Variants in IL18 observed in about 807,000 individuals in gnomAD.
The protein encoded by IL18 is interleukin 18.
Under a neutral mutation model 14.2 loss-of-function variants are expected in IL18, and 8 were observed. The ratio of observed to expected loss-of-function variants is 0.56; its 90% CI spans 0.33 to 1.01. The LOEUF (loss-of-function observed/expected upper bound fraction) is 1.01, where lower values mean the gene tolerates loss of function less well. Ranked by LOEUF, IL18 falls within the 50% of genes least tolerant of loss-of-function variation. The pLI is 0.03. For synonymous variants in IL18, 67 were observed against 71.0 expected (o/e 0.94, Z 0.28); for missense variants, 166 against 231.1 (o/e 0.72, Z 1.83).
intron 1 of IL18, among the ~76,000 whole-genome samples, chr11:112,156,349 A>T (rs1478720073): frequency 2.0e-5 from 3 of 152,196 alleles, no homozygotes; most frequent in Non-Finnish European, 4.4e-5. Flanking sequence ...CACTGTACCC[A>T]GGCCTTATTT....
At chr11:112,156,739 C>T (rs1866539515) in intron 1 of IL18, among the ~76,000 whole-genome samples, 1 of 151,804 alleles carries the variant, frequency 6.6e-6, no homozygotes, top group Non-Finnish European at 1.5e-5. Flanking sequence ...GCCACCATGC[C>T]TGGCCAACAC....
intron 1 of IL18, among the ~76,000 whole-genome samples, chr11:112,161,262 G>A (rs192865334): frequency 6.6e-6 from 1 of 152,154 alleles, no homozygotes; most frequent in Non-Finnish European, 1.5e-5. Context: ...TTTGTCTGGG[G>A]CAAGTCACTT....
intron 5 of IL18, among the ~76,000 whole-genome samples, chr11:112,145,407 G>A (rs1280803608): frequency 6.6e-6 from 1 of 152,172 alleles, no homozygotes; most frequent in Non-Finnish European, 1.5e-5. Flanking sequence ...AACTTCAAAA[G>A]CTCTAGTAAC....
intron 3 of IL18, among the ~76,000 whole-genome samples, chr11:112,152,174 T>A (rs1592812067): frequency 1.3e-5 from 2 of 152,332 alleles, no homozygotes; most frequent in Non-Finnish European, 2.9e-5. Flanking sequence ...CAAAACCTGC[T>A]CTTCCTCCTG....
rs1425048941 is a variant in IL18, at chr11:112,149,672, C to T, written c.226+400G>A. Among the ~76,000 whole-genome samples, 4 of 149,678 alleles carry T rather than the reference C, an allele frequency of 2.7e-5. No homozygotes were observed. The Admixed American group carries it at 2.7e-4, about 10-fold the overall frequency. On this transcript the variant is annotated intron_variant, in intron 4 of 5. Transcript: ENST00000280357. ...TCACAGTGTACTACAGCCTCAAAGT[C>T]CTGGCCTCAAGCAATCCTCCTGCTT... is the stretch of plus-strand genomic sequence containing the variant.
At position 112,153,608 on chromosome 11, in the gene IL18, G is replaced by T. The variant is rs5744251; in HGVS notation, c.80-5C>A. The T allele has an allele frequency of 4.0e-4, 615 of 1,551,314 alleles. 2 individuals are homozygous for T. In the African/African-American group the frequency reaches 7.5e-3, roughly 19 times the overall value. On this transcript the variant is annotated splice_polypyrimidine_tract_variant and splice_region_variant and intron_variant, in intron 2 of 5. Coordinates refer to ENST00000280357, the MANE Select transcript of IL18 (RefSeq NM_001562.4). ...CTACTTTACCATCATCTTCAGCTAA[G>T]AGGGGGAAAAAGAGAGAAACAGAAT...
rs540994054 is a variant in IL18 at position 112,159,749 on chromosome 11, T to C, written c.-9+4157A>G. ...AATTTACATATAAGCTTAAACTTGT[T>C]CATTGAATTTGGCAATTAGGAAGTT... On this transcript the variant is annotated intron_variant, in intron 1 of 5. Transcript: ENST00000280357. Among the ~76,000 whole-genome samples, 5 of 152,324 alleles carry C rather than the reference T, an allele frequency of 3.3e-5. No individual in the cohort carries two copies. In the East Asian group the frequency reaches 7.7e-4, roughly 23 times the overall value.
intron 3 of IL18, among the ~76,000 whole-genome samples, chr11:112,151,899 C>T (rs1866445233): frequency 6.6e-6 from 1 of 152,158 alleles, no homozygotes; most frequent in South Asian, 2.1e-4. Context: ...TCTACTGCAT[C>T]CTTTAAATGT....
intron 3 of IL18, among the ~76,000 whole-genome samples, chr11:112,151,415 G>T (rs889181289): frequency 1.1e-4 from 17 of 151,918 alleles, no homozygotes; most frequent in East Asian, 3.9e-4. Flanking sequence ...TTATTTCTGG[G>T]TGGTTTTTAT....
chr11:112,150,050 GT>G (rs1443633314), intron 4 of IL18, 21 bp downstream of exon 4: 1 of 1,585,360 alleles, frequency 6.3e-7, no homozygotes, highest in African/African-American at 1.4e-5. Flanking sequence ...TCATTTCTAT[GT>G]TTGCGAATTA....
chr11:112,160,226 T>C (rs1252721138), intron 1 of IL18, among the ~76,000 whole-genome samples: 1 of 151,712 alleles, frequency 6.6e-6, no homozygotes, highest in East Asian at 1.9e-4. Flanking sequence ...TTAATACTCT[T>C]CTACTTGGTT....
rs117193606 is a variant in IL18 at position 112,145,466 on chromosome 11, G to A, written c.361-1649C>T. On this transcript the variant is annotated intron_variant, in intron 5 of 5. Transcript: ENST00000280357. Reference sequence around the variant, plus strand: ...ATAGAAAGTTACAGTTGAGCCGGGTGCGATGGCTCACGCCTGTAATCCCAG... The same window carrying A: ...ATAGAAAGTTACAGTTGAGCCGGGTACGATGGCTCACGCCTGTAATCCCAG... Among the ~76,000 whole-genome samples, 718 of 152,320 alleles carry A rather than the reference G, an allele frequency of 4.7e-3. 5 individuals carry two copies. Among genetic ancestry groups the A allele is most frequent in the Middle Eastern group, 0.01 (3 of 294 alleles).
At chr11:112,157,482 GAGTTGGCTCCT>G (rs1181052937) in intron 1 of IL18, among the ~76,000 whole-genome samples, 1 of 152,202 alleles carries the variant, frequency 6.6e-6, no homozygotes. Context: ...ACATGAATGA[GAGTTGGCTCCT>G]ACTCTCCAGT....
chr11:112,153,866 T>C (rs575087306), intron 2 of IL18, among the ~76,000 whole-genome samples: 19 of 152,278 alleles, frequency 1.2e-4, no homozygotes, highest in South Asian at 2.1e-4. Context: ...AATATGTAAC[T>C]AAAAATAAAT....
In IL18 at chr11:112,143,676, C is replaced by T; in HGVS notation, c.502G>A (p.Asp168Asn). 5.6e-6 allele frequency: 9 copies of T among 1,612,542 alleles called. No homozygotes were observed. Among genetic ancestry groups the T allele is most frequent in the East Asian group, 2.2e-5 (1 of 44,870 alleles). Residue 168 changes from aspartate (D) to asparagine (N), a missense_variant, in exon 6 of 6, where the codon GAC (aspartate) becomes AAC (asparagine). Coordinates refer to ENST00000280357, the MANE Select transcript of IL18 (RefSeq NM_001562.4). ...TTTTTCAAAATGAGTTTAAAAAGGT[C>T]TCTCTCTTTTTCACAAGCTAGAAAG... is the stretch of plus-strand genomic sequence containing the variant. The part of the protein sequence containing the change: ...GYFLACEKER[D>N]LFKLILKKED...
intron 5 of IL18, among the ~76,000 whole-genome samples, chr11:112,147,575 G>A (rs1232224760): frequency 2.0e-5 from 3 of 152,202 alleles, no homozygotes; most frequent in African/African-American, 4.8e-5. Context: ...GGTCTAGAAT[G>A]GGGACTCCAA....
At chr11:112,160,927 T>C (rs760693344) in intron 1 of IL18, among the ~76,000 whole-genome samples, 2 of 152,182 alleles carry the variant, frequency 1.3e-5, no homozygotes, top group Non-Finnish European at 2.9e-5. Context: ...TTACAAGTAG[T>C]GTGTTCTCAT....
intron 5 of IL18, among the ~76,000 whole-genome samples, chr11:112,144,827 G>T (rs1337554488): frequency 1.3e-5 from 2 of 152,220 alleles, no homozygotes; most frequent in Admixed American, 1.3e-4. Flanking sequence ...GCCAAATGCA[G>T]ATTCTTGTAT....
intron 1 of IL18, among the ~76,000 whole-genome samples, chr11:112,162,179 G>C (rs547111778): frequency 6.6e-6 from 1 of 152,230 alleles, no homozygotes; most frequent in African/African-American, 2.4e-5. Flanking sequence ...AACTGATGTA[G>C]TTTAAATGGC....
Sources: allele counts gnomAD v4.1 joint callset (sites outside exome capture counted in the v4.1 genomes callset), GRCh38; gene constraint gnomAD v4.1.1; transcripts MANE v1.5; gene names NCBI Gene and HGNC (gene_info 2026-07-23, HGNC 2026-07-21).